Variants in PELI1 observed in about 807,000 individuals in gnomAD.
PELI1 encodes E3 ubiquitin-protein ligase pellino homolog 1.
Under a neutral mutation model 41.3 loss-of-function variants are expected in PELI1, and 15 were observed. The observed-to-expected ratio is 0.36, with a 90% CI of 0.24 to 0.56. PELI1 has a LOEUF of 0.56. Ranked by LOEUF, PELI1 falls within the 20% of genes least tolerant of loss-of-function variation. The pLI, the probability that PELI1 is intolerant of heterozygous loss-of-function variation, is 0.82. For missense variants in PELI1, 403 were observed against 525.5 expected, an observed-to-expected ratio of 0.77 and a Z score of 2.28; for synonymous variants, 178 against 180.1, an observed-to-expected ratio of 0.99 and a Z score of 0.09.
At chr2:64,100,344 T>C in intron 4 of PELI1, 54 bp downstream of exon 4, 1 of 877,372 alleles carries the variant, frequency 1.1e-6, no homozygotes, top group Non-Finnish European at 1.9e-6. Flanking sequence ...TCACCAACAA[T>C]AGATTTTTAA....
At chr2:64,135,142 A>G (rs34655717) in intron 1 of PELI1, among the ~76,000 whole-genome samples, 12 of 152,274 alleles carry the variant, frequency 7.9e-5, no homozygotes, top group Admixed American at 7.8e-4. Flanking sequence ...AGAAAAGACA[A>G]CAAACATCAA....
At chr2:64,114,321 A>T (rs972128948) in intron 1 of PELI1, among the ~76,000 whole-genome samples, 1 of 152,172 alleles carries the variant, frequency 6.6e-6, no homozygotes, top group African/African-American at 2.4e-5. Flanking sequence ...AGTTTAATTC[A>T]TAGCAGTTTC....
intron 1 of PELI1, among the ~76,000 whole-genome samples, chr2:64,123,538 G>A (rs1001302807): frequency 2.0e-5 from 3 of 152,096 alleles, no homozygotes; most frequent in Non-Finnish European, 2.9e-5. Context: ...TATACAAATA[G>A]CCAATATGTA....
rs79963327 is a variant in PELI1 at position 64,101,489 on chromosome 2, T to C, written c.202-990A>G. ...TCAAGTGTTTTCTATGTATATGAGTTGAAGATAATATCAAAGGAGGGGAAA... is the reference window on the plus strand; with the variant it reads ...TCAAGTGTTTTCTATGTATATGAGTCGAAGATAATATCAAAGGAGGGGAAA... On this transcript the variant is annotated intron_variant, in intron 3 of 6. Coordinates refer to ENST00000358912, the MANE Select transcript of PELI1 (RefSeq NM_020651.4). Among the ~76,000 whole-genome samples, 10 of 152,268 alleles carry C rather than the reference T, an allele frequency of 6.6e-5. No individual in the cohort carries two copies. The East Asian group carries it at 1.9e-3, about 29-fold the overall frequency.
chr2:64,127,580 T>C (rs1391126509), intron 1 of PELI1, among the ~76,000 whole-genome samples: 1 of 152,214 alleles, frequency 6.6e-6, no homozygotes, highest in Non-Finnish European at 1.5e-5. Context: ...TGGCTTGAAT[T>C]TGAAGTGGAT....
intron 1 of PELI1, among the ~76,000 whole-genome samples, chr2:64,127,186 A>C (rs1681417740): frequency 6.6e-6 from 1 of 152,250 alleles, no homozygotes; most frequent in Admixed American, 6.5e-5. Context: ...TTTATTAAAC[A>C]ACAACAACAA....
At chr2:64,098,254 CTT>C (rs1246438067) in intron 4 of PELI1, among the ~76,000 whole-genome samples, 2 of 152,184 alleles carry the variant, frequency 1.3e-5, no homozygotes, top group Non-Finnish European at 2.9e-5. Flanking sequence ...AAATACAGCT[CTT>C]TTGTTACTCT....
At chr2:64,119,277 A>C (rs568440722) in intron 1 of PELI1, among the ~76,000 whole-genome samples, 1 of 152,242 alleles carries the variant, frequency 6.6e-6, no homozygotes, top group Non-Finnish European at 1.5e-5. Flanking sequence ...TAAATAGAAA[A>C]GATCTGATGA....
chr2:64,130,889 A>AT (rs1428530722), intron 1 of PELI1, among the ~76,000 whole-genome samples: 2 of 152,166 alleles, frequency 1.3e-5, no homozygotes, highest in South Asian at 2.1e-4. Context: ...ATAATGTATT[A>AT]TTTTTTATTT....
chr2:64,107,836 C>G (rs776425002), intron 2 of PELI1, among the ~76,000 whole-genome samples: 25 of 152,142 alleles, frequency 1.6e-4, no homozygotes, highest in Non-Finnish European at 3.1e-4. Context: ...CCTCATCACG[C>G]CCGGCTAATT....
intron 1 of PELI1, among the ~76,000 whole-genome samples, chr2:64,126,188 G>A (rs531303287): frequency 2.0e-5 from 3 of 151,608 alleles, no homozygotes; most frequent in Admixed American, 6.5e-5. Context: ...TTTTTGAGAC[G>A]GAGTCTCACT....
chr2:64,100,617 C>A, intron 3 of PELI1, 118 bp from the exon 4 acceptor site: 1 of 687,322 alleles, frequency 1.5e-6, no homozygotes, highest in South Asian at 1.6e-5. Context: ...ATACATTTTC[C>A]CCCTGAAATT....
intron 6 of PELI1, 54 bp from the exon 7 acceptor site, chr2:64,095,322 CA>C: frequency 3.1e-6 from 4 of 1,301,680 alleles, no homozygotes; most frequent in Non-Finnish European, 4.4e-6. Flanking sequence ...TGGATTTTTA[CA>C]TAAGTGTTTT....
At chr2:64,123,815 C>A (rs1681300598) in intron 1 of PELI1, among the ~76,000 whole-genome samples, 1 of 152,158 alleles carries the variant, frequency 6.6e-6, no homozygotes, top group Non-Finnish European at 1.5e-5. Context: ...GAAATGAAGA[C>A]CTATGTCCAC....
At chr2:64,099,301 G>C (rs1680347154) in intron 4 of PELI1, among the ~76,000 whole-genome samples, 1 of 151,838 alleles carries the variant, frequency 6.6e-6, no homozygotes, top group African/African-American at 2.4e-5. Flanking sequence ...GAGTAACTGA[G>C]ACTACAGGCC....
At chr2:64,099,524 A>C (rs1452338139) in intron 4 of PELI1, among the ~76,000 whole-genome samples, 1 of 152,216 alleles carries the variant, frequency 6.6e-6, no homozygotes, top group African/African-American at 2.4e-5. Flanking sequence ...AAAGAAATTC[A>C]GTATCTCATC....
At chr2:64,118,733 A>T (rs1681103701) in intron 1 of PELI1, among the ~76,000 whole-genome samples, 1 of 152,126 alleles carries the variant, frequency 6.6e-6, no homozygotes, top group Non-Finnish European at 1.5e-5. Flanking sequence ...ATTCTTCATA[A>T]TTTTTCCCAC....
At chr2:64,132,252 G>A (rs1020044540) in intron 1 of PELI1, among the ~76,000 whole-genome samples, 51 of 152,128 alleles carry the variant, frequency 3.4e-4, no homozygotes, top group African/African-American at 1.2e-3. Flanking sequence ...GATACAGGTT[G>A]AGCATTCCTA....
At chr2:64,115,990 G>A (rs1007199350) in intron 1 of PELI1, among the ~76,000 whole-genome samples, 12 of 152,084 alleles carry the variant, frequency 7.9e-5, no homozygotes, top group Non-Finnish European at 1.8e-4. Flanking sequence ...TAAATAAAGT[G>A]GACTTTGTGT....
Sources: allele counts gnomAD v4.1 joint callset (sites outside exome capture counted in the v4.1 genomes callset), GRCh38; gene constraint gnomAD v4.1.1; transcripts MANE v1.5; gene names NCBI Gene and HGNC (gene_info 2026-07-23, HGNC 2026-07-21).